The following SHISA9 variants were observed in gnomAD, a reference collection of about 807,000 sequenced individuals.
SHISA9 encodes protein shisa-9.
SHISA9 carries 13 observed loss-of-function variants against 38.0 expected under a neutral mutation model. The observed-to-expected ratio is 0.34, with a 90% CI of 0.22 to 0.54. The LOEUF (loss-of-function observed/expected upper bound fraction) is 0.54. Among genes scored for constraint, SHISA9 ranks in the 20% least tolerant of loss-of-function variants. The pLI is 0.91. For missense variants in SHISA9, 538 were observed against 575.8 expected (o/e 0.93, Z 0.67); for synonymous variants, 275 against 242.0 (o/e 1.14, Z -1.27).
chr16:13,559,752 T>C, the SHISA9 span, among the ~76,000 whole-genome samples: 1 of 152,136 alleles, frequency 6.6e-6, no homozygotes. Context: ...TCTTTGTTAT[T>C]ATTGGGATGT....
At chr16:13,098,278 C>T (rs964074751) in intron 2 of SHISA9, among the ~76,000 whole-genome samples, 4 of 152,202 alleles carry the variant, frequency 2.6e-5, no homozygotes, top group Admixed American at 2.0e-4. Context: ...CAAAAATACA[C>T]TCCCTGCTGG....
At chr16:13,126,372 C>A (rs913508146) in intron 2 of SHISA9, among the ~76,000 whole-genome samples, 1 of 151,850 alleles carries the variant, frequency 6.6e-6, no homozygotes, top group Non-Finnish European at 1.5e-5. Context: ...CAAAGCATTG[C>A]ATAAGGTCAG....
intron 2 of SHISA9, among the ~76,000 whole-genome samples, chr16:12,958,821 A>G (rs977724300): frequency 6.6e-6 from 1 of 152,192 alleles, no homozygotes; most frequent in Non-Finnish European, 1.5e-5. Flanking sequence ...CTAGTCAGCT[A>G]TTATGGCAAT....
downstream of SHISA9, chr16:13,240,458 C>T (rs1441517539): frequency 6.6e-6 from 1 of 152,158 alleles, no homozygotes; most frequent in Non-Finnish European, 1.5e-5. Context: ...ACCCTGCATC[C>T]TAATTTGTGT....
At chr16:13,049,239 G>T (rs1449315985) in intron 2 of SHISA9, among the ~76,000 whole-genome samples, 1 of 150,264 alleles carries the variant, frequency 6.7e-6, no homozygotes, top group Non-Finnish European at 1.5e-5. Flanking sequence ...GGATTTGCAG[G>T]CTTACTCCTG....
chr16:13,322,335 A>T, the SHISA9 span, among the ~76,000 whole-genome samples: 2 of 152,224 alleles, frequency 1.3e-5, no homozygotes, highest in African/African-American at 4.8e-5. Flanking sequence ...CTCTGGAGCC[A>T]GGAGGGCCCT....
At chr16:13,454,897 T>A in the SHISA9 span, among the ~76,000 whole-genome samples, 1 of 152,232 alleles carries the variant, frequency 6.6e-6, no homozygotes, top group African/African-American at 2.4e-5. Flanking sequence ...GGCAGTCTCA[T>A]GGCCAGACCA....
chr16:13,427,834 G>A, the SHISA9 span, among the ~76,000 whole-genome samples: 2 of 152,150 alleles, frequency 1.3e-5, no homozygotes, highest in Non-Finnish European at 2.9e-5. Flanking sequence ...AAAATGCACT[G>A]AAACACAAAC....
intron 3 of SHISA9, among the ~76,000 whole-genome samples, chr16:13,203,777 A>T (rs2051031064): frequency 1.3e-5 from 2 of 151,688 alleles, no homozygotes; most frequent in African/African-American, 4.8e-5. Flanking sequence ...TCATCCATCC[A>T]CCTATACACT....
the SHISA9 span, among the ~76,000 whole-genome samples, chr16:13,489,466 C>G: frequency 6.6e-6 from 1 of 152,238 alleles, no homozygotes; most frequent in South Asian, 2.1e-4. Context: ...CAACTCAAAT[C>G]TCATCTTGAA....
the SHISA9 span, among the ~76,000 whole-genome samples, chr16:13,456,105 G>T: frequency 6.6e-6 from 1 of 152,326 alleles, no homozygotes; most frequent in African/African-American, 2.4e-5. Flanking sequence ...TAGATGTAAG[G>T]ACTGCTAAGA....
At chr16:13,266,525 T>C in the SHISA9 span, among the ~76,000 whole-genome samples, 9 of 152,312 alleles carry the variant, frequency 5.9e-5, no homozygotes, top group South Asian at 1.7e-3. Flanking sequence ...GGTTCAAGCA[T>C]GCAAGCAGCA....
chr16:13,337,146 C>T, the SHISA9 span, among the ~76,000 whole-genome samples: 1 of 152,116 alleles, frequency 6.6e-6, no homozygotes, highest in Non-Finnish European at 1.5e-5. Context: ...TTCTGAACAG[C>T]TAACACATGG....
chr16:13,110,390 G>A (rs76458187), intron 2 of SHISA9, among the ~76,000 whole-genome samples: 22 of 152,298 alleles, frequency 1.4e-4, no homozygotes, highest in Middle Eastern at 3.4e-3. Flanking sequence ...CGATGTTTCC[G>A]TGCTGAAAAG....
the SHISA9 span, among the ~76,000 whole-genome samples, chr16:13,378,789 A>G: frequency 6.6e-6 from 1 of 152,206 alleles, no homozygotes. Flanking sequence ...ATGAGTGTTC[A>G]ATAACAAGGT....
chr16:13,147,878 A>G (rs1469903228), intron 2 of SHISA9, among the ~76,000 whole-genome samples: 1 of 152,218 alleles, frequency 6.6e-6, no homozygotes, highest in Non-Finnish European at 1.5e-5. Flanking sequence ...CCTACTGAGC[A>G]TAGCTTGAGA....
At chr16:12,942,131 A>C (rs1249440294) in intron 2 of SHISA9, among the ~76,000 whole-genome samples, 1 of 152,226 alleles carries the variant, frequency 6.6e-6, no homozygotes, top group Non-Finnish European at 1.5e-5. Flanking sequence ...GACAGGAGGT[A>C]AAGAACAGGG....
the SHISA9 span, among the ~76,000 whole-genome samples, chr16:13,257,891 T>C: frequency 6.6e-6 from 1 of 152,200 alleles, no homozygotes. Context: ...CATAAACCTG[T>C]GCTTTCCATG....
At chr16:12,986,809 A>G (rs775874640) in intron 2 of SHISA9, among the ~76,000 whole-genome samples, 2 of 152,246 alleles carry the variant, frequency 1.3e-5, no homozygotes, top group Admixed American at 6.5e-5. Context: ...CAATTTAAAG[A>G]TGAAAATACT....
Sources: allele counts gnomAD v4.1 joint callset (sites outside exome capture counted in the v4.1 genomes callset), GRCh38; gene constraint gnomAD v4.1.1; transcripts MANE v1.5; gene names NCBI Gene and HGNC (gene_info 2026-07-23, HGNC 2026-07-21).